Variants in TENM2 observed in about 807,000 individuals in gnomAD.
The protein encoded by TENM2 is teneurin-2.
In TENM2, 52 loss-of-function variants were observed where a neutral mutation model predicts 245.2. The ratio of observed to expected loss-of-function variants is 0.21; its 90% confidence interval spans 0.17 to 0.27. The LOEUF is 0.27. TENM2 is among the 10% of genes least tolerant of loss of function. The probability of loss-of-function intolerance (pLI) is 1.00; values close to 1 mark genes in which losing one functional copy is unlikely to be tolerated. For synonymous variants in TENM2, 1,363 were observed against 1,438.9 expected (o/e 0.95, Z 1.19); for missense variants, 3,046 against 3,666.8 (o/e 0.83, Z 4.37).
At chr5:167,412,242 G>C (rs1186584061) in intron 2 of TENM2, among the ~76,000 whole-genome samples, 1 of 152,106 alleles carries the variant, frequency 6.6e-6, no homozygotes, top group East Asian at 1.9e-4. Context: ...GCTAGGAAGT[G>C]TTTTTAGTAA....
the TENM2 span, among the ~76,000 whole-genome samples, chr5:167,016,427 G>A: frequency 1.3e-5 from 2 of 151,914 alleles, no homozygotes; most frequent in Non-Finnish European, 2.9e-5. Context: ...TAACAGAAGG[G>A]AAATAAGACC....
At chr5:168,064,996 G>T (rs780629644) in intron 7 of TENM2, among the ~76,000 whole-genome samples, 1 of 152,168 alleles carries the variant, frequency 6.6e-6, no homozygotes, top group East Asian at 1.9e-4. Context: ...GGGGATAGGC[G>T]ACTGACGTCT....
intron 2 of TENM2, among the ~76,000 whole-genome samples, chr5:167,716,303 G>T (rs1024437205): frequency 1.3e-5 from 2 of 152,194 alleles, no homozygotes; most frequent in Non-Finnish European, 2.9e-5. Flanking sequence ...CAATCTGCTA[G>T]TCTGCCGACT....
intron 2 of TENM2, among the ~76,000 whole-genome samples, chr5:167,713,880 G>A (rs1181471942): frequency 1.3e-5 from 2 of 152,070 alleles, no homozygotes; most frequent in African/African-American, 4.8e-5. Context: ...ATATTGACAT[G>A]CTTGAGGTTA....
At chr5:168,008,925 A>G (rs573924102) in intron 5 of TENM2, among the ~76,000 whole-genome samples, 2 of 152,160 alleles carry the variant, frequency 1.3e-5, no homozygotes, top group Non-Finnish European at 2.9e-5. Context: ...CTTTATTATG[A>G]GAGGGCCTTT....
At chr5:167,178,497 G>A in the TENM2 span, among the ~76,000 whole-genome samples, 3 of 152,124 alleles carry the variant, frequency 2.0e-5, no homozygotes, top group Non-Finnish European at 4.4e-5. Flanking sequence ...TGGAGTGTTA[G>A]CGCAGACAGC....
chr5:167,133,528 G>T, the TENM2 span, among the ~76,000 whole-genome samples: 1 of 151,556 alleles, frequency 6.6e-6, no homozygotes, highest in African/African-American at 2.4e-5. Context: ...GATAGAAAAG[G>T]TGTGTTGCTG....
chr5:167,595,205 C>A (rs180826107), intron 2 of TENM2, among the ~76,000 whole-genome samples: 4 of 152,188 alleles, frequency 2.6e-5, no homozygotes, highest in Admixed American at 2.6e-4. Flanking sequence ...GAAAAGCTAC[C>A]AGGGAAAGAG....
the TENM2 span, among the ~76,000 whole-genome samples, chr5:167,246,559 T>C: frequency 4.0e-4 from 61 of 152,230 alleles, no homozygotes; most frequent in East Asian, 0.012. Context: ...TAAATGTCTG[T>C]ATATTTAAAA....
chr5:168,182,825 C>CTT (rs149579948), intron 13 of TENM2, among the ~76,000 whole-genome samples: 8,037 of 100,546 alleles, frequency 0.08, 396 homozygotes, highest in Non-Finnish European at 0.11. Flanking sequence ...TCAGGGTGCT[C>CTT]TTTTTTTTTT....
At chr5:168,096,470 G>T (rs1793380838) in intron 8 of TENM2, among the ~76,000 whole-genome samples, 1 of 152,178 alleles carries the variant, frequency 6.6e-6, no homozygotes, top group Non-Finnish European at 1.5e-5. Context: ...GGGGCCTATG[G>T]TCTTTTGTCT....
At chr5:167,600,087 T>TTAGCCAACACTGCACCACTCCAC (rs1582503561) in intron 2 of TENM2, among the ~76,000 whole-genome samples, 3 of 29,326 alleles carry the variant, frequency 1.0e-4, no homozygotes, top group Non-Finnish European at 1.8e-4. Flanking sequence ...CGGAGTTTGC[T>TTAGCCAACACTGCACCACTCCAC]TCATTTATAG....
chr5:167,352,108 C>T (rs1758956910), intron 1 of TENM2, among the ~76,000 whole-genome samples: 4 of 152,164 alleles, frequency 2.6e-5, no homozygotes, highest in African/African-American at 4.8e-5. Context: ...GTAAATATCA[C>T]ATAAAATCTA....
intron 2 of TENM2, chr5:167,754,931 C>T (rs1335745613): frequency 1.5e-6 from 2 of 1,320,012 alleles, no homozygotes; most frequent in Non-Finnish European, 2.1e-6. Context: ...CAGATATTGC[C>T]TATTATGCTT....
rs1763808506 is a variant in TENM2 at position 167,426,144 on chromosome 5, C to T, written c.502+50671C>T. ...AGACGCCAAGCCACAGAGGAGTATG[C>T]TGCAGTCATTCTCTCTTTGAAATTC... is the stretch of plus-strand genomic sequence containing the variant. On this transcript the variant is annotated intron_variant, in intron 2 of 28. Coordinates refer to ENST00000518659, the Ensembl canonical transcript of TENM2. 3.3e-5 allele frequency among the ~76,000 whole-genome samples: 5 copies of T among 152,132 alleles called. No individual in the cohort carries two copies. In the South Asian group the frequency reaches 1.0e-3, roughly 32 times the overall value.
chr5:167,307,266 G>A (rs969713438), intron 1 of TENM2, among the ~76,000 whole-genome samples: 1 of 152,182 alleles, frequency 6.6e-6, no homozygotes, highest in Non-Finnish European at 1.5e-5. Flanking sequence ...GTGGGCAAAG[G>A]GGAAGGCACG....
chr5:167,611,780 G>T (rs1474335181), intron 2 of TENM2, among the ~76,000 whole-genome samples: 1 of 152,028 alleles, frequency 6.6e-6, no homozygotes, highest in Non-Finnish European at 1.5e-5. Context: ...GTCTTACATG[G>T]TGAAAGGGGC....
At chr5:167,297,828 G>A (rs1006731190) in intron 1 of TENM2, among the ~76,000 whole-genome samples, 2 of 152,212 alleles carry the variant, frequency 1.3e-5, no homozygotes, top group African/African-American at 2.4e-5. Flanking sequence ...GGGCTGGAGT[G>A]GGGGTCACAG....
chr5:167,460,567 A>G (rs1275447271), intron 2 of TENM2, among the ~76,000 whole-genome samples: 2 of 151,544 alleles, frequency 1.3e-5, no homozygotes, highest in African/African-American at 4.8e-5. Context: ...TGACCCTGAC[A>G]TGTCACTGAT....
Sources: gnomAD v4.1 joint callset for allele counts (sites outside exome capture counted in the v4.1 genomes callset) on GRCh38, gnomAD v4.1.1 for gene constraint, MANE v1.5 for transcripts, NCBI Gene and HGNC (gene_info 2026-07-23, HGNC 2026-07-21) for gene names.